GALNT13: variants seen among roughly 807,000 people sequenced by gnomAD.
GALNT13 encodes UDP-GalNAc:polypeptide N-acetylgalactosaminyltransferase 13.
In GALNT13, 28 loss-of-function variants were observed where a neutral mutation model predicts 64.2. The observed-to-expected ratio is 0.44, with a 90% CI of 0.32 to 0.60. GALNT13 has a LOEUF of 0.60. Ranked by LOEUF, GALNT13 falls within the 20% of genes least tolerant of loss-of-function variation. The pLI is 0.05. For synonymous variants in GALNT13, 214 were observed against 224.6 expected, an observed-to-expected ratio of 0.95 and a Z score of 0.42; for missense variants, 577 against 669.8, an observed-to-expected ratio of 0.86 and a Z score of 1.53.
At chr2:154,203,874 G>C (rs1687300505) in intron 4 of GALNT13, among the ~76,000 whole-genome samples, 1 of 152,162 alleles carries the variant, frequency 6.6e-6, no homozygotes, top group Admixed American at 6.5e-5. Flanking sequence ...GCAGTAACAA[G>C]AGGAGACTAT....
the GALNT13 span, among the ~76,000 whole-genome samples, chr2:153,719,971 G>C: frequency 1.3e-5 from 2 of 152,108 alleles, no homozygotes; most frequent in South Asian, 4.2e-4. Flanking sequence ...AGCTCAAGGA[G>C]GCCTGCCTGC....
intron 9 of GALNT13, among the ~76,000 whole-genome samples, chr2:154,369,019 G>GTTT (rs36067292): frequency 2.6e-5 from 4 of 151,706 alleles, no homozygotes. Flanking sequence ...TGTTGTTGTT[G>GTTT]TTTTCAGGAT....
the GALNT13 span, among the ~76,000 whole-genome samples, chr2:153,088,928 G>A: frequency 7.4e-3 from 1,129 of 152,052 alleles, 4 homozygotes; most frequent in Non-Finnish European, 0.011. Context: ...CCATTCTGCC[G>A]GTGTGTATCT....
At chr2:153,186,025 G>A in the GALNT13 span, among the ~76,000 whole-genome samples, 1 of 152,014 alleles carries the variant, frequency 6.6e-6, no homozygotes, top group Non-Finnish European at 1.5e-5. Context: ...TTAATTTTCT[G>A]TCTCGGTGAT....
chr2:153,600,942 A>C, the GALNT13 span, among the ~76,000 whole-genome samples: 1 of 151,932 alleles, frequency 6.6e-6, no homozygotes, highest in Admixed American at 6.6e-5. Flanking sequence ...AGAAGGACAA[A>C]ATATACAGAG....
intron 1 of GALNT13, among the ~76,000 whole-genome samples, chr2:153,875,473 C>G (rs1686298977): frequency 6.6e-6 from 1 of 152,096 alleles, no homozygotes; most frequent in Non-Finnish European, 1.5e-5. Context: ...TTTTAACTTA[C>G]TGGGCAGTCA....
At chr2:153,483,521 A>G in the GALNT13 span, among the ~76,000 whole-genome samples, 1 of 147,718 alleles carries the variant, frequency 6.8e-6, no homozygotes, top group Non-Finnish European at 1.5e-5. Flanking sequence ...GGTTCAAGCA[A>G]TTCTCCTGCC....
chr2:153,884,849 A>ATGTGTGTGTGTGTGTG (rs1574042095), intron 1 of GALNT13, among the ~76,000 whole-genome samples: 1 of 76,462 alleles, frequency 1.3e-5, no homozygotes, highest in South Asian at 5.2e-4. Context: ...GTGTGTATAT[A>ATGTGTGTGTGTGTGTG]TGTATATACA....
the GALNT13 span, among the ~76,000 whole-genome samples, chr2:153,769,350 G>C: frequency 6.6e-6 from 1 of 152,090 alleles, no homozygotes; most frequent in Non-Finnish European, 1.5e-5. Flanking sequence ...GGTTAGTGTG[G>C]CAGGATACAA....
At chr2:153,859,893 C>T in the GALNT13 span, among the ~76,000 whole-genome samples, 1 of 152,064 alleles carries the variant, frequency 6.6e-6, no homozygotes. Context: ...GAGAATGCTA[C>T]CCAAATAGTT....
chr2:153,688,991 GGTGTGTGTGTGTGTGTGTGTGTGTGT>G, the GALNT13 span, among the ~76,000 whole-genome samples: 4 of 130,222 alleles, frequency 3.1e-5, no homozygotes, highest in Admixed American at 1.6e-4. Flanking sequence ...TAGAGGTAGG[GGTGTGTGTGTGTGTGTGTGTGTGTGT>G]GTGTGTGTGT....
intron 7 of GALNT13, among the ~76,000 whole-genome samples, chr2:154,252,325 TGTAC>T (rs929096401): frequency 1.3e-4 from 19 of 151,084 alleles, no homozygotes; most frequent in African/African-American, 4.4e-4. Flanking sequence ...TCAGGAAACA[TGTAC>T]TATTTTAATT....
At chr2:154,358,071 C>T (rs930036676) in intron 9 of GALNT13, among the ~76,000 whole-genome samples, 3 of 152,062 alleles carry the variant, frequency 2.0e-5, no homozygotes, top group South Asian at 4.1e-4. Context: ...TATTTTTACA[C>T]GTTGCTTATG....
At chr2:154,016,142 G>A (rs2105262901) in intron 3 of GALNT13, among the ~76,000 whole-genome samples, 1 of 152,272 alleles carries the variant, frequency 6.6e-6, no homozygotes, top group African/African-American at 2.4e-5. Flanking sequence ...TGATAATGGA[G>A]CGAAGCATTT....
intron 4 of GALNT13, among the ~76,000 whole-genome samples, chr2:154,200,597 C>T (rs915579149): frequency 6.6e-6 from 1 of 152,154 alleles, no homozygotes; most frequent in Admixed American, 6.5e-5. Context: ...CAGCTTGTTG[C>T]TGCATTATCT....
the GALNT13 span, among the ~76,000 whole-genome samples, chr2:153,262,825 C>A: frequency 8.6e-5 from 13 of 152,024 alleles, no homozygotes; most frequent in African/African-American, 3.1e-4. Context: ...CCATTTATTA[C>A]AAACCCAGAA....
At chr2:153,124,428 T>C in the GALNT13 span, among the ~76,000 whole-genome samples, 1 of 152,212 alleles carries the variant, frequency 6.6e-6, no homozygotes, top group Non-Finnish European at 1.5e-5. Context: ...TTGAGCTTTT[T>C]CTCCAAGTTT....
chr2:153,731,158 G>T, the GALNT13 span, among the ~76,000 whole-genome samples: 1 of 151,658 alleles, frequency 6.6e-6, no homozygotes, highest in Admixed American at 6.6e-5. Context: ...TTTCACATAT[G>T]TGATGTATTA....
intron 1 of GALNT13, among the ~76,000 whole-genome samples, chr2:153,898,028 G>T (rs1687992945): frequency 6.6e-6 from 1 of 152,016 alleles, no homozygotes; most frequent in Admixed American, 6.6e-5. Flanking sequence ...TTCATAGGTT[G>T]AGTGGATTTT....
Sources: allele counts gnomAD v4.1 joint callset (sites outside exome capture counted in the v4.1 genomes callset), GRCh38; gene constraint gnomAD v4.1.1; transcripts MANE v1.5; gene names NCBI Gene and HGNC (gene_info 2026-07-23, HGNC 2026-07-21).